The following SPATA17 variants were observed in gnomAD, a reference collection of about 807,000 sequenced individuals.
SPATA17 encodes spermatogenesis-associated protein 17.
SPATA17 carries 53 observed loss-of-function variants against 62.2 expected under a neutral mutation model. The ratio of observed to expected loss-of-function variants is 0.85; its 90% CI spans 0.68 to 1.07. The LOEUF is 1.07. SPATA17 is among the 50% of genes least tolerant of loss of function. SPATA17 has a pLI of 0.00. For missense variants in SPATA17, 466 were observed against 425.5 expected, an observed-to-expected ratio of 1.10 and a Z score of -0.84; for synonymous variants, 146 against 146.8, an observed-to-expected ratio of 0.99 and a Z score of 0.04.
intron 3 of SPATA17, among the ~76,000 whole-genome samples, chr1:217,658,102 A>T (rs1316534555): frequency 2.6e-5 from 4 of 152,184 alleles, no homozygotes; most frequent in African/African-American, 4.8e-5. Context: ...ATTACAATTC[A>T]ACATGAGATT....
intron 6 of SPATA17, among the ~76,000 whole-genome samples, chr1:217,770,978 A>AATTTTTTTATTTTTT (rs1553251071): frequency 2.0e-5 from 1 of 50,148 alleles, no homozygotes. Flanking sequence ...AACTCATTGC[A>AATTTTTTTATTTTTT]TTTTTTTTTT....
At chr1:217,727,247 C>CAAAAATAATAAT (rs370247140) in intron 5 of SPATA17, among the ~76,000 whole-genome samples, 120 of 132,772 alleles carry the variant, frequency 9.0e-4, no homozygotes, top group African/African-American at 3.1e-3. Flanking sequence ...AACTCCGTCT[C>CAAAAATAATAAT]AATAATAATA....
At chr1:217,643,415 C>A (rs1191343942) in intron 1 of SPATA17, among the ~76,000 whole-genome samples, 1 of 152,054 alleles carries the variant, frequency 6.6e-6, no homozygotes, top group Non-Finnish European at 1.5e-5. Flanking sequence ...TGTGCAGATT[C>A]TTTTTTCATC....
rs75307805 is a variant in SPATA17, at chr1:217,852,709, A to G, written c.1006-10065A>G. ...AAAAAATCATAGAGCAAATAAATCA[A>G]TCTTTCTAGCATGGTTTATAAGGTT... is the stretch of plus-strand genomic sequence containing the variant. On this transcript the variant is annotated intron_variant, in intron 9 of 10. Coordinates refer to ENST00000366933, the MANE Select transcript of SPATA17 (RefSeq NM_138796.4). Among the ~76,000 whole-genome samples the G allele has an allele frequency of 8.1e-4, 123 of 152,290 alleles. 4 individuals carry two copies. In the East Asian group the frequency reaches 0.018, roughly 22 times the overall value.
chr1:217,796,663 A>G (rs1006026941), intron 8 of SPATA17, among the ~76,000 whole-genome samples: 15 of 152,188 alleles, frequency 9.9e-5, no homozygotes, highest in African/African-American at 3.6e-4. Context: ...GCTTATAGCT[A>G]TGGTTTGTCC....
chr1:217,661,976 G>A (rs185090859), intron 3 of SPATA17, among the ~76,000 whole-genome samples: 225 of 152,156 alleles, frequency 1.5e-3, no homozygotes, highest in African/African-American at 5.0e-3. Context: ...CATAAATGGG[G>A]AAATAAAAAT....
intron 6 of SPATA17, among the ~76,000 whole-genome samples, chr1:217,747,893 A>G (rs567606521): frequency 6.6e-6 from 1 of 152,346 alleles, no homozygotes; most frequent in African/African-American, 2.4e-5. Context: ...ACTGTGATTA[A>G]TACTGATAAA....
chr1:217,652,815 G>C (rs997215776), intron 3 of SPATA17, among the ~76,000 whole-genome samples: 4 of 152,094 alleles, frequency 2.6e-5, no homozygotes, highest in African/African-American at 9.7e-5. Context: ...ACCTGATGAC[G>C]GAAGTTTGAT....
intron 7 of SPATA17, among the ~76,000 whole-genome samples, chr1:217,780,883 T>A (rs1055610596): frequency 2.0e-5 from 3 of 152,092 alleles, no homozygotes; most frequent in African/African-American, 7.2e-5. Context: ...AATACTTTGC[T>A]CCTTGTCATA....
At chr1:217,862,506 T>G (rs749860503) in intron 9 of SPATA17, among the ~76,000 whole-genome samples, 7 of 152,204 alleles carry the variant, frequency 4.6e-5, no homozygotes, top group Admixed American at 1.3e-4. Flanking sequence ...GACAGGTGGA[T>G]ATGCCTGAGG....
intron 4 of SPATA17, among the ~76,000 whole-genome samples, 183 bp from the exon 5 acceptor site, chr1:217,683,074 TA>T (rs1671125376): frequency 6.6e-6 from 1 of 151,924 alleles, no homozygotes; most frequent in African/African-American, 2.4e-5. Context: ...ATTTTTATAA[TA>T]TTTCATAAAA....
intron 1 of SPATA17, among the ~76,000 whole-genome samples, chr1:217,640,221 A>G (rs2102876482): frequency 6.6e-6 from 1 of 152,166 alleles, no homozygotes; most frequent in South Asian, 2.1e-4. Context: ...TAAATAGTCC[A>G]TCCTTTTCTT....
chr1:217,870,880 C>T lies in SPATA17; in HGVS notation c.*3861C>T, dbSNP rs1676115697. ...TAAATGCCCTGGACCCAACATCTAA[C>T]AGAATACCTGGCATAAAGTGAAATC... On this transcript the variant is annotated 3_prime_UTR_variant, in exon 11 of 11. Transcript: ENST00000366933. 6.6e-6 allele frequency: 1 copy of T among 152,166 alleles called. No individual in the cohort carries two copies. Among genetic ancestry groups the T allele is most frequent in the Non-Finnish European group, 1.5e-5 (1 of 68,028 alleles). The allele number at this position is 152,166 out of a possible 1,614,324, so 9.4% of individuals were successfully genotyped here.
intron 5 of SPATA17, among the ~76,000 whole-genome samples, chr1:217,717,017 A>G (rs1174506795): frequency 6.6e-6 from 1 of 152,208 alleles, no homozygotes; most frequent in Non-Finnish European, 1.5e-5. Context: ...AGTCTTTTTT[A>G]AAGCCAGACC....
At chr1:217,805,975 G>T (rs1447704929) in intron 9 of SPATA17, among the ~76,000 whole-genome samples, 1 of 152,106 alleles carries the variant, frequency 6.6e-6, no homozygotes, top group Non-Finnish European at 1.5e-5. Context: ...TCAGATATGG[G>T]AGAAACTTGC....
chr1:217,806,539 C>A (rs931038524), intron 9 of SPATA17, among the ~76,000 whole-genome samples: 9 of 152,244 alleles, frequency 5.9e-5, no homozygotes, highest in African/African-American at 2.2e-4. Flanking sequence ...GGCCTTAATT[C>A]TTTTCTGCTT....
At chr1:217,713,349 G>C (rs1024720651) in intron 5 of SPATA17, among the ~76,000 whole-genome samples, 1 of 151,978 alleles carries the variant, frequency 6.6e-6, no homozygotes, top group African/African-American at 2.4e-5. Flanking sequence ...TTATACATGA[G>C]CATGAGAAAT....
At chr1:217,803,940 C>T (rs61825826) in intron 9 of SPATA17, among the ~76,000 whole-genome samples, 4,845 of 151,990 alleles carry the variant, frequency 0.032, 108 homozygotes, top group Middle Eastern at 0.065. Context: ...ATCACTCAAA[C>T]CTTGGAGGCA....
At chr1:217,797,399 A>G (rs1195058808) in intron 8 of SPATA17, among the ~76,000 whole-genome samples, 1 of 151,284 alleles carries the variant, frequency 6.6e-6, no homozygotes, top group Non-Finnish European at 1.5e-5. Context: ...ACAGCCCCAT[A>G]CCATCACATC....
Sources: allele counts gnomAD v4.1 joint callset (sites outside exome capture counted in the v4.1 genomes callset), GRCh38; gene constraint gnomAD v4.1.1; transcripts MANE v1.5; gene names NCBI Gene and HGNC (gene_info 2026-07-23, HGNC 2026-07-21).